Variants in KCNH5 observed in about 807,000 individuals in gnomAD.
KCNH5 encodes the protein potassium voltage-gated channel subfamily H member 5, also known as voltage-gated delayed rectifier potassium channel KCNH5.
Under a neutral mutation model 96.1 loss-of-function variants are expected in KCNH5, and 46 were observed. The observed-to-expected ratio is 0.48, with a 90% confidence interval of 0.38 to 0.61. The LOEUF (loss-of-function observed/expected upper bound fraction) is 0.61, where lower values mean the gene tolerates loss of function less well. Among genes scored for constraint, KCNH5 ranks in the 20% least tolerant of loss-of-function variants. KCNH5 has a pLI of 0.00. For missense variants in KCNH5, 907 were observed against 1,225.8 expected, an observed-to-expected ratio of 0.74 and a Z score of 3.88; for synonymous variants, 439 against 449.8, an observed-to-expected ratio of 0.98 and a Z score of 0.30.
chr14:62,943,689 G>C (rs1889832721), intron 7 of KCNH5, among the ~76,000 whole-genome samples: 1 of 152,122 alleles, frequency 6.6e-6, no homozygotes, highest in Non-Finnish European at 1.5e-5. Flanking sequence ...AGAGTAGCTG[G>C]ATTCATTCAT....
chr14:62,749,147 A>C (rs1319146951), intron 10 of KCNH5, among the ~76,000 whole-genome samples: 1 of 152,204 alleles, frequency 6.6e-6, no homozygotes, highest in Non-Finnish European at 1.5e-5. Context: ...GAGAGGCTAA[A>C]GTCTGTGCCC....
intron 8 of KCNH5, among the ~76,000 whole-genome samples, chr14:62,812,288 A>G (rs1030133325): frequency 2.0e-5 from 3 of 152,206 alleles, no homozygotes; most frequent in Non-Finnish European, 2.9e-5. Flanking sequence ...GCCATAGAAC[A>G]GCCTAAATTT....
chr14:62,838,754 CGT>C (rs1236557765), intron 8 of KCNH5, among the ~76,000 whole-genome samples: 17 of 152,090 alleles, frequency 1.1e-4, no homozygotes, highest in Non-Finnish European at 7.4e-5. Flanking sequence ...ATCTAAGCCA[CGT>C]CATTTAACCT....
At chr14:62,806,533 A>G (rs1886769766) in intron 8 of KCNH5, among the ~76,000 whole-genome samples, 1 of 152,098 alleles carries the variant, frequency 6.6e-6, no homozygotes, top group Non-Finnish European at 1.5e-5. Context: ...AAGGGACGAT[A>G]CTGAAGAAAC....
chr14:62,946,091 T>G (rs1889881676), intron 7 of KCNH5, among the ~76,000 whole-genome samples: 1 of 152,048 alleles, frequency 6.6e-6, no homozygotes, highest in Non-Finnish European at 1.5e-5. Context: ...AGGAGGTTAC[T>G]TCAAAAGTTC....
At chr14:62,954,265 C>T (rs1890058500) in intron 6 of KCNH5, among the ~76,000 whole-genome samples, 2 of 152,298 alleles carry the variant, frequency 1.3e-5, no homozygotes, top group South Asian at 4.1e-4. Flanking sequence ...TCTTTATTGT[C>T]ATACTCTCCC....
chr14:62,881,761 G>A (rs191847744), intron 7 of KCNH5, among the ~76,000 whole-genome samples: 5 of 147,038 alleles, frequency 3.4e-5, no homozygotes, highest in African/African-American at 9.7e-5. Context: ...AGACCCAGAC[G>A]AAAAAGAATA....
Position 62,707,688 on chromosome 14 carries a change from A to C in KCNH5, c.2787T>G (p.Thr929=), listed in dbSNP as rs755998656. The C allele has an allele frequency of 7.5e-6, 12 of 1,595,912 alleles. No individual in the cohort carries two copies. The highest frequency in any genetic ancestry group is 1.3e-5 in the African/African-American group (1 of 74,462). ...EDIQLLSCRM[T]ALEKQVAEIL... is the part of the protein sequence containing the mutation. ...TTTCTGCCACCTGCTTTTCTAGGGC[A>C]GTCATTCTGCAGCTGAGCAGCTGGA... Residue 929 remains threonine, a synonymous_variant, in exon 11 of 11, where the codon ACT becomes ACG. Coordinates refer to ENST00000322893, the MANE Select transcript of KCNH5 (RefSeq NM_139318.5).
chr14:62,898,036 G>A (rs879668285), intron 7 of KCNH5, among the ~76,000 whole-genome samples: 10 of 152,132 alleles, frequency 6.6e-5, no homozygotes, highest in Non-Finnish European at 1.3e-4. Context: ...TATTTATTAA[G>A]CACCTGCTAA....
intron 10 of KCNH5, among the ~76,000 whole-genome samples, chr14:62,720,693 AG>A (rs11301475): frequency 0.046 from 7,016 of 152,286 alleles, 364 homozygotes; most frequent in African/African-American, 0.13. Flanking sequence ...TTATTTGGTC[AG>A]TAAAACTGAC....
chr14:62,783,735 G>A (rs905946150), intron 9 of KCNH5, among the ~76,000 whole-genome samples: 1 of 151,976 alleles, frequency 6.6e-6, no homozygotes, highest in Non-Finnish European at 1.5e-5. Context: ...TATGGCAATT[G>A]TAAAAATATG....
intron 7 of KCNH5, among the ~76,000 whole-genome samples, chr14:62,880,731 G>T (rs1888475836): frequency 6.6e-6 from 1 of 152,168 alleles, no homozygotes; most frequent in South Asian, 2.1e-4. Context: ...ATGATTAGTG[G>T]CAAATTAATC....
At chr14:62,790,085 G>A (rs74963397) in intron 9 of KCNH5, among the ~76,000 whole-genome samples, 1,655 of 151,320 alleles carry the variant, frequency 0.011, 33 homozygotes, top group African/African-American at 0.038. Context: ...TTTTGTATGG[G>A]TGGAAAATAA....
chr14:62,838,949 T>C (rs184905961), intron 8 of KCNH5, among the ~76,000 whole-genome samples: 112 of 152,302 alleles, frequency 7.4e-4, no homozygotes, highest in Non-Finnish European at 1.4e-3. Flanking sequence ...ATGTTGGTTG[T>C]AGCTCATTTG....
At chr14:62,824,237 C>T (rs897829683) in intron 8 of KCNH5, among the ~76,000 whole-genome samples, 2 of 151,934 alleles carry the variant, frequency 1.3e-5, no homozygotes, top group African/African-American at 2.4e-5. Context: ...CTTGAGATTC[C>T]AAGATTTTCA....
intron 7 of KCNH5, among the ~76,000 whole-genome samples, chr14:62,902,564 T>C (rs1415732865): frequency 6.6e-6 from 1 of 152,176 alleles, no homozygotes; most frequent in East Asian, 1.9e-4. Context: ...ATACAGGCAA[T>C]ATAGTATATT....
At position 62,966,986 on chromosome 14, in the gene KCNH5, A is replaced by T. The variant is rs76260292; in HGVS notation, c.942+13886T>A. On this transcript the variant is annotated intron_variant, in intron 6 of 10. Transcript: ENST00000322893. ...TTTACCGTGGTAAGCAATAAATTCA[A>T]CTCAGCTTTGTCTTTTTAACAGGTT... 1.7e-3 allele frequency among the ~76,000 whole-genome samples: 262 copies of T among 152,130 alleles called. 2 individuals carry two copies. The highest frequency in any genetic ancestry group is 5.7e-4 in the Non-Finnish European group (39 of 68,002).
chr14:62,704,587 C>A lies in KCNH5; in HGVS notation c.*2921G>T, dbSNP rs1884396574. On this transcript the variant is annotated 3_prime_UTR_variant, in exon 11 of 11. Coordinates refer to ENST00000322893, the MANE Select transcript of KCNH5 (RefSeq NM_139318.5). The stretch of plus-strand genomic sequence containing the variant: ...GTCGAGGATACAGCATCTGATCTTA[C>A]CTATTAATAACATCATAGAAAAATA... 6.6e-6 allele frequency: 1 copy of A among 151,802 alleles called. No individual in the cohort carries two copies. Among genetic ancestry groups the A allele is most frequent in the South Asian group, 2.1e-4 (1 of 4,824 alleles). 9.4% of individuals were successfully genotyped at this position (151,802 alleles called of 1,614,324 possible). A position where few individuals can be genotyped will look rare whatever the true frequency, so the allele number is the denominator to read the frequency against.
chr14:62,930,012 A>G (rs1889550624), intron 7 of KCNH5, among the ~76,000 whole-genome samples: 1 of 152,064 alleles, frequency 6.6e-6, no homozygotes, highest in Admixed American at 6.6e-5. Context: ...TATGTAGCAC[A>G]CTTTTTAATC....
Sources: allele counts gnomAD v4.1 joint callset (sites outside exome capture counted in the v4.1 genomes callset), GRCh38; gene constraint gnomAD v4.1.1; transcripts MANE v1.5; gene names NCBI Gene and HGNC (gene_info 2026-07-23, HGNC 2026-07-21).